XRCC4: variants seen among roughly 807,000 people sequenced by gnomAD.
XRCC4 encodes X-ray repair cross complementing 4.
A neutral mutation model predicts 39.1 loss-of-function variants in XRCC4; 28 were observed. The ratio of observed to expected loss-of-function variants is 0.72; its 90% CI spans 0.53 to 0.98. The LOEUF is 0.98. Among genes scored for constraint, XRCC4 ranks in the 50% least tolerant of loss-of-function variants. XRCC4 has a pLI of 0.00. For missense variants in XRCC4, 350 were observed against 376.4 expected (o/e 0.93, Z 0.58); for synonymous variants, 123 against 126.4 (o/e 0.97, Z 0.18).
At chr5:83,122,852 C>T (rs1419427905) in intron 3 of XRCC4, among the ~76,000 whole-genome samples, 1 of 152,072 alleles carries the variant, frequency 6.6e-6, no homozygotes, top group Non-Finnish European at 1.5e-5. Context: ...TTACAGATAT[C>T]GTGCCAATAC....
intron 5 of XRCC4, among the ~76,000 whole-genome samples, 175 bp downstream of exon 5, chr5:83,203,882 T>A (rs1045316685): frequency 3.9e-5 from 6 of 152,112 alleles, no homozygotes; most frequent in Non-Finnish European, 7.4e-5. Flanking sequence ...GTTCTCAGCA[T>A]GGTCTCTCTA....
chr5:83,210,718 T>C (rs1228274217), intron 6 of XRCC4, among the ~76,000 whole-genome samples: 1 of 152,186 alleles, frequency 6.6e-6, no homozygotes, highest in Non-Finnish European at 1.5e-5. Context: ...TCAAGAAAGA[T>C]AGTCAACGTC....
intron 6 of XRCC4, among the ~76,000 whole-genome samples, chr5:83,232,998 T>C (rs781468810): frequency 7.2e-5 from 11 of 152,196 alleles, no homozygotes; most frequent in Non-Finnish European, 1.5e-4. Context: ...AATTACCCAC[T>C]CTGTTATTTG....
At chr5:83,081,276 T>TA (rs1744928841) in intron 1 of XRCC4, among the ~76,000 whole-genome samples, 1 of 152,260 alleles carries the variant, frequency 6.6e-6, no homozygotes, top group East Asian at 1.9e-4. Context: ...TTACATTACC[T>TA]ACCTTTTTTC....
chr5:83,285,770 C>T (rs570701455), intron 7 of XRCC4, among the ~76,000 whole-genome samples: 2 of 152,146 alleles, frequency 1.3e-5, no homozygotes, highest in Admixed American at 6.6e-5. Context: ...TTGAAAACCA[C>T]GTGTAATTCT....
At chr5:83,212,412 T>C (rs2112758772) in intron 6 of XRCC4, among the ~76,000 whole-genome samples, 1 of 152,082 alleles carries the variant, frequency 6.6e-6, no homozygotes, top group South Asian at 2.1e-4. Flanking sequence ...AATAATTTCC[T>C]AGGAATGAAG....
chr5:83,356,903 C>G (rs1426157558), downstream of XRCC4, among the ~76,000 whole-genome samples: 1 of 152,066 alleles, frequency 6.6e-6, no homozygotes, highest in East Asian at 1.9e-4. Context: ...GGTATGGCTC[C>G]AGCCTCATTA....
chr5:83,321,080 A>AT (rs1412154743), intron 7 of XRCC4, among the ~76,000 whole-genome samples: 1 of 152,116 alleles, frequency 6.6e-6, no homozygotes, highest in African/African-American at 2.4e-5. Context: ...AAGTGCTGGG[A>AT]TTACAGGCAT....
intron 7 of XRCC4, among the ~76,000 whole-genome samples, chr5:83,281,864 TC>T (rs1754552612): frequency 6.6e-6 from 1 of 152,148 alleles, no homozygotes; most frequent in Non-Finnish European, 1.5e-5. Flanking sequence ...ACAAAGGTAT[TC>T]CCCCCAAAAA....
intron 7 of XRCC4, among the ~76,000 whole-genome samples, chr5:83,296,822 T>C (rs1755111369): frequency 6.6e-6 from 1 of 151,828 alleles, no homozygotes; most frequent in Admixed American, 6.6e-5. Context: ...AAATTATAAA[T>C]AGAGATTACT....
chr5:83,101,324 C>T (rs1561325682), intron 1 of XRCC4, among the ~76,000 whole-genome samples: 2 of 152,058 alleles, frequency 1.3e-5, no homozygotes, highest in South Asian at 2.1e-4. Flanking sequence ...CAGTATCAGG[C>T]GTTACAGTAT....
In XRCC4 at chr5:83,353,408, C is replaced by T; in HGVS notation, c.*166C>T. 3 of 515,044 alleles carry T rather than the reference C, an allele frequency of 5.8e-6. No homozygotes were observed. Among genetic ancestry groups the T allele is most frequent in the Non-Finnish European group, 6.9e-6 (2 of 290,318 alleles). 31.9% of individuals were successfully genotyped at this position (515,044 alleles called of 1,614,324 possible). A position where few individuals can be genotyped will look rare whatever the true frequency, so the allele number is the denominator to read the frequency against. On this transcript the variant is annotated 3_prime_UTR_variant, in exon 8 of 8. Coordinates refer to ENST00000396027, the MANE Select transcript of XRCC4 (RefSeq NM_003401.5). ...GTGCAAAATGGATTACACATGTATA[C>T]AAAGATACGATTTGATGATGACACT...
chr5:83,203,424 C>A, intron 4 of XRCC4, 128 bp from the exon 5 acceptor site: 1 of 716,760 alleles, frequency 1.4e-6, no homozygotes, highest in Admixed American at 3.8e-5. Context: ...ACTTCCAAGT[C>A]AGTGAAAGCA....
intron 3 of XRCC4, among the ~76,000 whole-genome samples, chr5:83,112,888 A>G (rs1355530775): frequency 1.3e-5 from 2 of 152,296 alleles, no homozygotes; most frequent in Admixed American, 6.5e-5. Flanking sequence ...GAGAACTACA[A>G]TTGAAGATGA....
chr5:83,197,551 G>C (rs1751003229), intron 4 of XRCC4, among the ~76,000 whole-genome samples: 2 of 152,122 alleles, frequency 1.3e-5, no homozygotes, highest in African/African-American at 4.8e-5. Flanking sequence ...AAGCAGCAGG[G>C]AACGAAGATG....
intron 3 of XRCC4, among the ~76,000 whole-genome samples, chr5:83,140,566 C>G (rs1018006969): frequency 2.0e-5 from 3 of 152,194 alleles, no homozygotes; most frequent in Non-Finnish European, 1.5e-5. Flanking sequence ...TGCCAGCTAT[C>G]TAGGCATTCT....
intron 6 of XRCC4, among the ~76,000 whole-genome samples, chr5:83,227,064 T>C (rs1305429627): frequency 6.6e-6 from 1 of 152,112 alleles, no homozygotes; most frequent in Non-Finnish European, 1.5e-5. Flanking sequence ...TCAATTCACT[T>C]TTAGTTCTCT....
intron 7 of XRCC4, among the ~76,000 whole-genome samples, chr5:83,273,556 G>A (rs1296332106): frequency 5.3e-5 from 8 of 152,104 alleles, no homozygotes; most frequent in African/African-American, 1.7e-4. Context: ...TAGGTTTTAC[G>A]TTTAAGTCTT....
chr5:83,350,310 T>C (rs1757041759), intron 7 of XRCC4, among the ~76,000 whole-genome samples: 1 of 152,174 alleles, frequency 6.6e-6, no homozygotes, highest in South Asian at 2.1e-4. Flanking sequence ...TGGATGATAG[T>C]TATGTTTTAA....
Sources: allele counts gnomAD v4.1 joint callset (sites outside exome capture counted in the v4.1 genomes callset), GRCh38; gene constraint gnomAD v4.1.1; transcripts MANE v1.5; gene names NCBI Gene and HGNC (gene_info 2026-07-23, HGNC 2026-07-21).